The following DIAPH3 variants were observed in gnomAD, a reference collection of about 807,000 sequenced individuals.
The protein encoded by DIAPH3 is protein diaphanous homolog 3.
In DIAPH3, 117 loss-of-function variants were observed where a neutral mutation model predicts 144.3. The observed-to-expected ratio is 0.81, with a 90% CI of 0.70 to 0.95. The LOEUF (loss-of-function observed/expected upper bound fraction) is 0.95, where lower values mean the gene tolerates loss of function less well. DIAPH3 is among the 40% of genes least tolerant of loss of function. DIAPH3 has a pLI of 0.00. For missense variants in DIAPH3, 1,421 were observed against 1,412.7 expected, an observed-to-expected ratio of 1.01 and a Z score of -0.09; for synonymous variants, 519 against 488.9, an observed-to-expected ratio of 1.06 and a Z score of -0.81.
At chr13:59,859,894 C>CTA (rs2139919008) in intron 22 of DIAPH3, among the ~76,000 whole-genome samples, 1 of 152,140 alleles carries the variant, frequency 6.6e-6, no homozygotes, top group Non-Finnish European at 1.5e-5. Context: ...ACATCTATAA[C>CTA]TATATATATG....
chr13:60,005,855 A>G (rs11148486), intron 9 of DIAPH3, among the ~76,000 whole-genome samples: 338 of 152,316 alleles, frequency 2.2e-3, no homozygotes, highest in African/African-American at 7.6e-3. Flanking sequence ...AATAAAAGAA[A>G]TTAAACCTGT....
intron 27 of DIAPH3, among the ~76,000 whole-genome samples, chr13:59,679,000 G>C (rs543279494): frequency 3.3e-5 from 5 of 152,090 alleles, no homozygotes; most frequent in Non-Finnish European, 7.4e-5. Context: ...TCAATGATTT[G>C]GGTGCTGGTT....
In DIAPH3 at chr13:59,822,138, T is replaced by C. The variant is rs546443496; in HGVS notation, c.3027+10969A>G. 2.0e-5 allele frequency among the ~76,000 whole-genome samples: 3 copies of C among 152,302 alleles called. No homozygotes were observed. In the South Asian group the frequency reaches 6.2e-4, roughly 32 times the overall value. ...AGATACTTCAACCTATTCACATTTC[T>C]TTAATAGATAAAGTATAAGATGTTT... is the stretch of plus-strand genomic sequence containing the variant. On this transcript the variant is annotated intron_variant, in intron 24 of 27. Coordinates refer to ENST00000400324, the MANE Select transcript of DIAPH3 (RefSeq NM_001042517.2).
intron 27 of DIAPH3, among the ~76,000 whole-genome samples, chr13:59,667,917 G>A (rs888857754): frequency 4.8e-4 from 73 of 152,334 alleles, no homozygotes; most frequent in Admixed American, 3.4e-3. Context: ...ACTGAAAACA[G>A]CTTGTACATT....
chr13:59,828,362 T>C (rs373332463), intron 24 of DIAPH3, among the ~76,000 whole-genome samples: 2 of 151,952 alleles, frequency 1.3e-5, no homozygotes, highest in African/African-American at 2.4e-5. Flanking sequence ...TCAATGTAAA[T>C]AGACAATTAT....
intron 24 of DIAPH3, among the ~76,000 whole-genome samples, chr13:59,830,520 C>T (rs903196353): frequency 2.6e-5 from 4 of 151,538 alleles, no homozygotes; most frequent in Admixed American, 1.3e-4. Flanking sequence ...CTTCTAGGAC[C>T]CCATGAGAAC....
chr13:59,975,321 A>C (rs2050616744), intron 14 of DIAPH3, among the ~76,000 whole-genome samples: 1 of 152,100 alleles, frequency 6.6e-6, no homozygotes, highest in Admixed American at 6.6e-5. Flanking sequence ...CACCGTTTAC[A>C]AAGGGATTTT....
chr13:59,800,659 T>C (rs1174431460), intron 25 of DIAPH3, among the ~76,000 whole-genome samples: 1 of 152,182 alleles, frequency 6.6e-6, no homozygotes, highest in Non-Finnish European at 1.5e-5. Context: ...TAGAATACAG[T>C]ATAATCCAAA....
At chr13:59,955,007 T>C (rs1327804376) in intron 17 of DIAPH3, among the ~76,000 whole-genome samples, 2 of 151,598 alleles carry the variant, frequency 1.3e-5, no homozygotes, top group South Asian at 2.1e-4. Context: ...TAATAACAAA[T>C]GAAATAATCC....
chr13:59,851,431 A>C (rs1566413535), intron 22 of DIAPH3, among the ~76,000 whole-genome samples: 1 of 152,086 alleles, frequency 6.6e-6, no homozygotes, highest in Admixed American at 6.6e-5. Flanking sequence ...TGACCACTCA[A>C]TCTAAAACTG....
chr13:59,932,908 T>A (rs1054172898), intron 17 of DIAPH3, among the ~76,000 whole-genome samples: 1 of 152,204 alleles, frequency 6.6e-6, no homozygotes, highest in African/African-American at 2.4e-5. Flanking sequence ...TACAAAAAGA[T>A]TGATTTGGAA....
intron 17 of DIAPH3, among the ~76,000 whole-genome samples, chr13:59,956,037 C>A (rs1338347561): frequency 6.6e-6 from 1 of 152,104 alleles, no homozygotes; most frequent in African/African-American, 2.4e-5. Flanking sequence ...CAGTTTTATT[C>A]ATTCAGAAGA....
chr13:59,840,881 T>C (rs2042305220), intron 22 of DIAPH3, among the ~76,000 whole-genome samples: 1 of 152,132 alleles, frequency 6.6e-6, no homozygotes, highest in Non-Finnish European at 1.5e-5. Context: ...CTAAATGCTA[T>C]AATAATACAC....
chr13:59,924,983 TA>T, intron 17 of DIAPH3, 113 bp from the exon 18 acceptor site: 1 of 1,452,044 alleles, frequency 6.9e-7, no homozygotes, highest in Admixed American at 2.5e-5. Flanking sequence ...CTCTTCTAAA[TA>T]AAAGTTATAA....
chr13:59,670,583 C>CT (rs1229739034), intron 27 of DIAPH3, among the ~76,000 whole-genome samples: 2,810 of 134,658 alleles, frequency 0.021, 46 homozygotes, highest in Middle Eastern at 0.05. Flanking sequence ...TGGAAGTTCA[C>CT]TTTTTTTTTT....
intron 20 of DIAPH3, among the ~76,000 whole-genome samples, chr13:59,880,740 T>G (rs935240913): frequency 2.0e-5 from 3 of 152,164 alleles, no homozygotes; most frequent in African/African-American, 7.2e-5. Flanking sequence ...TATTTTCATA[T>G]AGACCAAAGC....
intron 17 of DIAPH3, among the ~76,000 whole-genome samples, chr13:59,927,943 G>C (rs2047834356): frequency 6.6e-6 from 1 of 152,108 alleles, no homozygotes; most frequent in Non-Finnish European, 1.5e-5. Context: ...GACTTAGAGA[G>C]TTTTCAGCTA....
At chr13:60,091,249 T>C (rs1258851168) in intron 4 of DIAPH3, among the ~76,000 whole-genome samples, 1 of 152,202 alleles carries the variant, frequency 6.6e-6, no homozygotes, top group Non-Finnish European at 1.5e-5. Flanking sequence ...ATTACATATA[T>C]GTTTATGTGT....
At chr13:60,104,425 A>G (rs1594676264) in intron 3 of DIAPH3, among the ~76,000 whole-genome samples, 1 of 152,190 alleles carries the variant, frequency 6.6e-6, no homozygotes, top group African/African-American at 2.4e-5. Flanking sequence ...ACAGCAGCCA[A>G]AGAATGACAT....
Sources: gnomAD v4.1 joint callset for allele counts (sites outside exome capture counted in the v4.1 genomes callset) on GRCh38, gnomAD v4.1.1 for gene constraint, MANE v1.5 for transcripts, NCBI Gene and HGNC (gene_info 2026-07-23, HGNC 2026-07-21) for gene names.